The following ATP5F1B variants were observed in gnomAD, a reference collection of about 807,000 sequenced individuals.
The protein encoded by ATP5F1B is ATP synthase F1 subunit beta.
In ATP5F1B, 17 loss-of-function variants were observed where a neutral mutation model predicts 45.9. The observed-to-expected ratio is 0.37, with a 90% CI of 0.25 to 0.56. The LOEUF (loss-of-function observed/expected upper bound fraction) is 0.56, where lower values mean the gene tolerates loss of function less well. Among genes scored for constraint, ATP5F1B ranks in the 20% least tolerant of loss-of-function variants. The pLI is 0.80. For missense variants in ATP5F1B, 387 were observed against 673.2 expected (o/e 0.57, Z 4.70); for synonymous variants, 218 against 256.5 (o/e 0.85, Z 1.43).
At chr12:56,639,927 C>A in intron 8 of ATP5F1B, 53 bp downstream of exon 8, 2 of 1,580,868 alleles carry the variant, frequency 1.3e-6, no homozygotes, top group Non-Finnish European at 1.7e-6. Context: ...ATAGTCCCCA[C>A]AGGCCCTCTT....
Position 56,638,286 on chromosome 12 carries a change from G to A in ATP5F1B, c.*37C>T, listed in dbSNP as rs1951485502. On this transcript the variant is annotated 3_prime_UTR_variant, in exon 10 of 10. Coordinates refer to ENST00000262030, the MANE Select transcript of ATP5F1B (RefSeq NM_001686.4). ...AGAAAAATGAAGCTTTTTGGGTTAG[G>A]GGCAAGGAGAGAGACAGTACAGAGG... 1.9e-6 allele frequency: 3 copies of A among 1,559,726 alleles called. No individual in the cohort carries two copies. Among genetic ancestry groups the A allele is most frequent in the East Asian group, 2.2e-5 (1 of 44,638 alleles).
chr12:56,645,491 A>T, intron 1 of ATP5F1B, 138 bp from the exon 2 acceptor site: 2 of 1,055,864 alleles, frequency 1.9e-6, no homozygotes, highest in Non-Finnish European at 2.7e-6. Flanking sequence ...CGTGTCCAAG[A>T]GGGAAGGCCG....
chr12:56,639,922 C>T (rs1360984982), intron 8 of ATP5F1B, 58 bp downstream of exon 8: 1 of 1,561,870 alleles, frequency 6.4e-7, no homozygotes, highest in Non-Finnish European at 8.8e-7. Context: ...CTCATATAGT[C>T]CCCACAGGCC....
At chr12:56,640,992 T>C (rs1056179206) in intron 7 of ATP5F1B, among the ~76,000 whole-genome samples, 2 of 150,822 alleles carry the variant, frequency 1.3e-5, no homozygotes. Context: ...GAGGTTATAG[T>C]GAGCCAAGAC....
intron 8 of ATP5F1B, among the ~76,000 whole-genome samples, chr12:56,639,703 G>A (rs902128920): frequency 1.6e-4 from 25 of 151,610 alleles, no homozygotes; most frequent in Non-Finnish European, 2.7e-4. Flanking sequence ...CCTGGGAGGC[G>A]GAGGTTGCAG....
In ATP5F1B at chr12:56,638,385, C is replaced by A; in HGVS notation, c.1528G>T (p.Val510Leu). The part of the protein sequence containing the change: ...DHLPEQAFYM[V>L]GPIEEAVAKA... ...GCCACAGCTTCTTCAATGGGTCCCA[C>A]CATATAGAAGGCCTGTTCTGGGAGA... The change falls in exon 10 of 10, where the codon GTG becomes TTG. Residue 510 changes from valine (V) to leucine (L), a missense_variant. Val to Leu is a conservative substitution (Grantham distance 32, BLOSUM62 1). This residue lies in a region of ATP5F1B where 36 missense variants were observed against 37.9 expected (regional missense o/e 0.95). Coordinates refer to ENST00000262030, the MANE Select transcript of ATP5F1B (RefSeq NM_001686.4). 6.2e-7 allele frequency: 1 copy of A among 1,613,736 alleles called. No homozygotes were observed. Among genetic ancestry groups the A allele is most frequent in the Non-Finnish European group, 8.5e-7 (1 of 1,179,948 alleles).
At chr12:56,641,474 TA>T (rs1337576524) in intron 7 of ATP5F1B, among the ~76,000 whole-genome samples, 1 of 152,176 alleles carries the variant, frequency 6.6e-6, no homozygotes. Flanking sequence ...TTACTATATG[TA>T]AAATTTATGT....
intron 7 of ATP5F1B, 74 bp downstream of exon 7, chr12:56,642,384 C>T: frequency 6.3e-7 from 1 of 1,592,772 alleles, no homozygotes; most frequent in Non-Finnish European, 8.6e-7. Flanking sequence ...GCCTCAGCCT[C>T]CTCAGTAGCT....
In ATP5F1B at chr12:56,639,965, T is replaced by C. The variant is rs765193597; in HGVS notation, c.1287+15A>G. ...TGACTTTCCGGACACTGATCCCACA[T>C]AGTAATATACTCACCTGCAGGATCT... On this transcript the variant is annotated intron_variant, in intron 8 of 9. Coordinates refer to ENST00000262030, the MANE Select transcript of ATP5F1B (RefSeq NM_001686.4). 1 of 1,612,964 alleles carries C rather than the reference T, an allele frequency of 6.2e-7. No homozygotes were observed.
In ATP5F1B at chr12:56,645,277, G is replaced by A; in HGVS notation, c.204C>T (p.Gly68=). The part of the protein sequence containing the change: ...AATGRIVAVI[G]AVVDVQFDEG... ...CATCAAACTGGACGTCCACCACTGC[G>A]CCAATGACCGCCACGATGCGCCCGG... The change falls in exon 2 of 10, where the codon GGC becomes GGT. Residue 68 remains glycine (G), a synonymous_variant. Coordinates refer to ENST00000262030, the MANE Select transcript of ATP5F1B (RefSeq NM_001686.4). 1.2e-6 allele frequency: 2 copies of A among 1,614,212 alleles called. No homozygotes were observed.
At position 56,638,428 on chromosome 12, in the gene ATP5F1B, A is replaced by G. The variant is rs1167996080; in HGVS notation, c.1490-5T>C. On this transcript the variant is annotated splice_region_variant and splice_polypyrimidine_tract_variant and intron_variant, in intron 9 of 9. Transcript: ENST00000262030. ...CTGGGAGATGGTCATATTCACCTGT[A>G]TGATGGGGGAGAAAAAAAAAAAGAG... is the stretch of plus-strand genomic sequence containing the variant. 6.3e-7 allele frequency: 1 copy of G among 1,592,900 alleles called. No individual in the cohort carries two copies. Among genetic ancestry groups the G allele is most frequent in the Non-Finnish European group, 8.6e-7 (1 of 1,165,132 alleles).
intron 7 of ATP5F1B, among the ~76,000 whole-genome samples, chr12:56,642,145 G>A (rs1481479155): frequency 6.6e-6 from 1 of 151,948 alleles, no homozygotes; most frequent in African/African-American, 2.4e-5. Flanking sequence ...ACAGGCGCCT[G>A]CCACAACGCC....
In ATP5F1B at chr12:56,640,153, G is replaced by A. The variant is rs775419624; in HGVS notation, c.1114C>T (p.Pro372Ser). 1.9e-6 allele frequency: 3 copies of A among 1,613,954 alleles called. No individual in the cohort carries two copies. Among genetic ancestry groups the A allele is most frequent in the Non-Finnish European group, 2.5e-6 (3 of 1,180,024 alleles). Residue 372 changes from proline (P) to serine (S), a missense_variant, in exon 8 of 10, where the codon CCT becomes TCT. Around this residue, in one of 6 missense-constraint regions of ATP5F1B, gnomAD observed 154 missense variants for 361.4 expected, o/e 0.43. Transcript: ENST00000262030. ...VPADDLTDPA[P>S]ATTFAHLDAT... Reference sequence around the variant, plus strand: ...TCCAAATGGGCAAACGTAGTAGCAGGGGCAGGGTCAGTCAAGTCATCAGCA... The same window carrying A: ...TCCAAATGGGCAAACGTAGTAGCAGAGGCAGGGTCAGTCAAGTCATCAGCA...
rs577345165 is a variant in ATP5F1B, at chr12:56,645,814, A to G, written c.127+23T>C. On this transcript the variant is annotated intron_variant, in intron 1 of 9. Coordinates refer to ENST00000262030, the MANE Select transcript of ATP5F1B (RefSeq NM_001686.4). Reference sequence around the variant, plus strand: ...TCATGGGGCGGCAAAATGGAACGTTAGCTCCTAGAGAAAAGCACTTACCAG... The same window carrying G: ...TCATGGGGCGGCAAAATGGAACGTTGGCTCCTAGAGAAAAGCACTTACCAG... 1.9e-6 allele frequency: 3 copies of G among 1,604,686 alleles called. No homozygotes were observed. The South Asian group carries it at 3.4e-5, about 18-fold the overall frequency.
At chr12:56,638,510 G>T in intron 9 of ATP5F1B, 87 bp from the exon 10 acceptor site, 1 of 996,870 alleles carries the variant, frequency 1.0e-6, no homozygotes, top group Non-Finnish European at 1.5e-6. Context: ...ACCACTTCAG[G>T]CCATCAGTTA....
Position 56,639,850 on chromosome 12 carries a change from A to G in ATP5F1B, c.1287+130T>C. 3 of 853,804 alleles carry G rather than the reference A, an allele frequency of 3.5e-6. No homozygotes were observed. In the South Asian group the frequency reaches 5.0e-5, roughly 14 times the overall value. 52.9% of individuals were successfully genotyped at this position (853,804 alleles called of 1,614,324 possible). On this transcript the variant is annotated intron_variant, in intron 8 of 9. Transcript: ENST00000262030. ...AACTCAAGAGACCTCATTAGCTCTC[A>G]CTAGCAATTGCCAGCCTCAACTTTC... is the stretch of plus-strand genomic sequence containing the variant.
At chr12:56,643,177 T>C in intron 5 of ATP5F1B, 1 of 497,038 alleles carries the variant, frequency 2.0e-6, no homozygotes. Flanking sequence ...GGAAATGTTA[T>C]TTAATGTCAG....
intron 9 of ATP5F1B, 30 bp from the exon 10 acceptor site, chr12:56,638,453 G>A (rs757488506): frequency 9.2e-6 from 14 of 1,513,830 alleles, no homozygotes; most frequent in Middle Eastern, 1.7e-4. Context: ...AAAAAAAAGA[G>A]TAAGAAGCGG....
At position 56,643,960 on chromosome 12, in the gene ATP5F1B, T is replaced by G; in HGVS notation, c.486-2A>C. 1 of 1,613,860 alleles carries G rather than the reference T, an allele frequency of 6.2e-7. No individual in the cohort carries two copies. Among genetic ancestry groups the G allele is most frequent in the Admixed American group, 1.7e-5 (1 of 59,916 alleles). ...GCCTCAGCATGAATGGGAGCAAATC[T>G]GTAAAGGTAGAAGAGAGGATAGTAT... is the stretch of plus-strand genomic sequence containing the variant. On this transcript the variant is annotated splice_acceptor_variant, in intron 3 of 9. Transcript: ENST00000262030. LOFTEE classifies it high-confidence loss of function.
Sources: gnomAD v4.1 joint callset for allele counts (sites outside exome capture counted in the v4.1 genomes callset) on GRCh38, gnomAD v4.1.1 for gene constraint, gnomAD v4.1.1 regional missense constraint, MANE v1.5 for transcripts, NCBI Gene and HGNC (gene_info 2026-07-23, HGNC 2026-07-21) for gene names.